The following SESTD1 variants were observed in gnomAD, a reference collection of about 807,000 sequenced individuals.
SESTD1 encodes SEC14 domain and spectrin repeat-containing protein 1.
In SESTD1, 43 loss-of-function variants were observed where a neutral mutation model predicts 101.7. The ratio of observed to expected loss-of-function variants is 0.42; its 90% CI spans 0.33 to 0.55. The LOEUF is 0.55. SESTD1 is among the 20% of genes least tolerant of loss of function. SESTD1 has a pLI of 0.07. For synonymous variants in SESTD1, 283 were observed against 286.8 expected, an observed-to-expected ratio of 0.99 and a Z score of 0.13; for missense variants, 647 against 815.1, an observed-to-expected ratio of 0.79 and a Z score of 2.51.
chr2:179,140,678 C>G lies in SESTD1; in HGVS notation c.849+2914G>C, dbSNP rs118112013. Among the ~76,000 whole-genome samples the G allele has an allele frequency of 4.9e-4, 75 of 152,312 alleles. No homozygotes were observed. In the East Asian group the frequency reaches 9.3e-3, roughly 19 times the overall value. ...GACAGTTATCAACGACTTGTCTATA[C>G]TCATTGCTTCCTTCACCACACCTCC... On this transcript the variant is annotated intron_variant, in intron 9 of 17. Coordinates refer to ENST00000428443, the MANE Select transcript of SESTD1 (RefSeq NM_178123.5).
intron 1 of SESTD1, among the ~76,000 whole-genome samples, chr2:179,204,705 C>G (rs1194519576): frequency 7.4e-6 from 1 of 135,292 alleles, no homozygotes; most frequent in African/African-American, 2.9e-5. Context: ...TTGATTCATG[C>G]TAAGGCACCA....
chr2:179,139,357 C>A lies in SESTD1; in HGVS notation c.849+4235G>T, dbSNP rs553126544. Reference sequence around the variant, plus strand: ...AACTTCCTGATGCCTGATTTACATACAGAGCACCTCTGGACTCATCTAAAA... The same window carrying A: ...AACTTCCTGATGCCTGATTTACATAAAGAGCACCTCTGGACTCATCTAAAA... On this transcript the variant is annotated intron_variant, in intron 9 of 17. Coordinates refer to ENST00000428443, the MANE Select transcript of SESTD1 (RefSeq NM_178123.5). Among the ~76,000 whole-genome samples the A allele has an allele frequency of 2.6e-5, 4 of 152,230 alleles. No individual in the cohort carries two copies. In the South Asian group the frequency reaches 8.3e-4, roughly 32 times the overall value.
chr2:179,220,236 T>C (rs2046793929), intron 1 of SESTD1, among the ~76,000 whole-genome samples: 1 of 152,146 alleles, frequency 6.6e-6, no homozygotes, highest in Admixed American at 6.5e-5. Context: ...TACCAAACCC[T>C]TATCAACAGC....
intron 1 of SESTD1, among the ~76,000 whole-genome samples, chr2:179,243,961 T>TACAC (rs1220156890): frequency 2.2e-3 from 322 of 144,060 alleles, no homozygotes; most frequent in African/African-American, 6.1e-3. Flanking sequence ...TATATATATA[T>TACAC]ACACACACAC....
Position 179,110,868 on chromosome 2 carries a change from T to G in SESTD1, c.1962-840A>C, listed in dbSNP as rs151293573. ...ATATACATAAGTTTTAATATGAATA[T>G]AAAGTGGAATAAAACAGCAATTCCA... On this transcript the variant is annotated intron_variant, in intron 17 of 17. Coordinates refer to ENST00000428443, the MANE Select transcript of SESTD1 (RefSeq NM_178123.5). 4.1e-3 allele frequency among the ~76,000 whole-genome samples: 626 copies of G among 152,310 alleles called. 7 individuals are homozygous for G. The highest frequency in any genetic ancestry group is 0.014 in the African/African-American group (589 of 41,562).
chr2:179,161,317 C>A (rs1471646238), intron 5 of SESTD1, among the ~76,000 whole-genome samples: 1 of 152,050 alleles, frequency 6.6e-6, no homozygotes, highest in Non-Finnish European at 1.5e-5. Flanking sequence ...AATTTAGAAA[C>A]AGTTATGTAA....
intron 4 of SESTD1, among the ~76,000 whole-genome samples, chr2:179,172,711 A>C (rs1279236111): frequency 6.6e-6 from 1 of 152,216 alleles, no homozygotes; most frequent in Non-Finnish European, 1.5e-5. Context: ...TAACTTGAAG[A>C]AGAGGACAAA....
At position 179,177,440 on chromosome 2, in the gene SESTD1, C is replaced by T. The variant is rs143366895; in HGVS notation, c.165-902G>A. On this transcript the variant is annotated intron_variant, in intron 3 of 17. Transcript: ENST00000428443. ...TCCCCATCCAAACTGTTCCCAGTTA[C>T]ATACATTATAGGGAAAAATAAACAG... is the stretch of plus-strand genomic sequence containing the variant. Among the ~76,000 whole-genome samples the T allele has an allele frequency of 4.1e-3, 620 of 152,240 alleles. 6 individuals are homozygous for T. Among genetic ancestry groups the T allele is most frequent in the African/African-American group, 0.014 (581 of 41,554 alleles).
intron 5 of SESTD1, among the ~76,000 whole-genome samples, chr2:179,169,607 C>G (rs922199865): frequency 2.6e-5 from 4 of 152,112 alleles, no homozygotes; most frequent in African/African-American, 9.7e-5. Context: ...ACAGAACACT[C>G]CATCCAACAA....
chr2:179,157,249 A>G (rs538092849), intron 5 of SESTD1, among the ~76,000 whole-genome samples: 20 of 152,332 alleles, frequency 1.3e-4, no homozygotes, highest in Admixed American at 2.6e-4. Flanking sequence ...AACACATCCC[A>G]TACTCATGGA....
Position 179,205,987 on chromosome 2 carries a change from A to G in SESTD1, c.-25-14121T>C, listed in dbSNP as rs772161400. ...GTTTAGCACAGTCATTAAAAAAAAC[A>G]AAAATCTTTCTCTTTCTGGTTATCT... On this transcript the variant is annotated intron_variant, in intron 1 of 17. Transcript: ENST00000428443. Among the ~76,000 whole-genome samples, 14 of 135,226 alleles carry G rather than the reference A, an allele frequency of 1.0e-4. 3 individuals are homozygous for G. The highest frequency in any genetic ancestry group is 2.1e-4 in the Non-Finnish European group (13 of 62,948). The allele number at this position is 135,226 out of a possible 152,430, so 88.7% of individuals were successfully genotyped here. A position where few individuals can be genotyped will look rare whatever the true frequency, so the allele number is the denominator to read the frequency against.
intron 1 of SESTD1, among the ~76,000 whole-genome samples, chr2:179,252,191 G>C (rs1363447050): frequency 6.6e-6 from 1 of 152,206 alleles, no homozygotes; most frequent in African/African-American, 2.4e-5. Context: ...TGTAGTCCAA[G>C]TGCTATCACC....
chr2:179,219,446 A>T (rs1240995053), intron 1 of SESTD1, among the ~76,000 whole-genome samples: 5 of 152,256 alleles, frequency 3.3e-5, no homozygotes, highest in Non-Finnish European at 5.9e-5. Flanking sequence ...CATCACGTAG[A>T]CACAAAATGG....
At chr2:179,243,030 G>C (rs992267833) in intron 1 of SESTD1, among the ~76,000 whole-genome samples, 5 of 152,088 alleles carry the variant, frequency 3.3e-5, no homozygotes, top group African/African-American at 9.7e-5. Context: ...CAAAATGGAA[G>C]AAAACATTCA....
At chr2:179,138,200 C>A (rs2045197642) in intron 9 of SESTD1, among the ~76,000 whole-genome samples, 1 of 152,184 alleles carries the variant, frequency 6.6e-6, no homozygotes, top group African/African-American at 2.4e-5. Flanking sequence ...CATCTCCTTT[C>A]TCCAGTTTCT....
intron 1 of SESTD1, among the ~76,000 whole-genome samples, chr2:179,241,663 A>C (rs1036344375): frequency 2.0e-5 from 3 of 152,102 alleles, no homozygotes; most frequent in East Asian, 1.9e-4. Flanking sequence ...TGGCTCACGC[A>C]TGTAATCCCA....
intron 13 of SESTD1, among the ~76,000 whole-genome samples, chr2:179,120,770 A>T (rs1363318097): frequency 1.3e-5 from 2 of 152,228 alleles, no homozygotes; most frequent in African/African-American, 4.8e-5. Flanking sequence ...TAGTGGGGGA[A>T]GTAGTATGAA....
intron 4 of SESTD1, among the ~76,000 whole-genome samples, chr2:179,172,525 G>C (rs1331848752): frequency 6.6e-6 from 1 of 152,140 alleles, no homozygotes; most frequent in African/African-American, 2.4e-5. Flanking sequence ...AGCTTAAACT[G>C]TAAGAGTTAA....
intron 5 of SESTD1, among the ~76,000 whole-genome samples, chr2:179,171,883 A>G (rs2105474290): frequency 6.6e-6 from 1 of 152,318 alleles, no homozygotes; most frequent in African/African-American, 2.4e-5. Flanking sequence ...CAAAGAAGTT[A>G]ACAAAGAATG....
Sources: gnomAD v4.1 joint callset for allele counts (sites outside exome capture counted in the v4.1 genomes callset) on GRCh38, gnomAD v4.1.1 for gene constraint, MANE v1.5 for transcripts, NCBI Gene and HGNC (gene_info 2026-07-23, HGNC 2026-07-21) for gene names.